STK11: variants seen among roughly 807,000 people sequenced by gnomAD.
STK11 encodes the protein serine/threonine-protein kinase STK11.
Under a neutral mutation model 47.3 loss-of-function variants are expected in STK11, and 8 were observed. The observed-to-expected ratio is 0.17, with a 90% confidence interval of 0.10 to 0.31. STK11 has a LOEUF of 0.31. STK11 is among the 10% of genes least tolerant of loss of function. The pLI, the probability that STK11 is intolerant of heterozygous loss-of-function variation, is 1.00. For missense variants in STK11, 475 were observed against 605.0 expected, an observed-to-expected ratio of 0.79 and a Z score of 2.25; for synonymous variants, 330 against 255.8, an observed-to-expected ratio of 1.29 and a Z score of -2.77.
intron 1 of STK11, among the ~76,000 whole-genome samples, chr19:1,211,310 A>G (rs1304729369): frequency 6.6e-6 from 1 of 152,210 alleles, no homozygotes; most frequent in African/African-American, 2.4e-5. Flanking sequence ...TTAAAATAAA[A>G]TCAGTGCCAT....
In STK11 at chr19:1,222,440, C is replaced by T. The variant is rs567251414; in HGVS notation, c.920+434C>T. Among the ~76,000 whole-genome samples, 12 of 152,206 alleles carry T rather than the reference C, an allele frequency of 7.9e-5. No homozygotes were observed. The South Asian group carries it at 1.7e-3, about 21-fold the overall frequency. ...AGGCCCCACAGTGCCGCCTCCCTCA[C>T]TTCGTGGGCTCTGCTCCTCTGCACC... On this transcript the variant is annotated intron_variant, in intron 7 of 9. Transcript: ENST00000326873.
rs878853982 is a variant in STK11, at chr19:1,223,179, C to G, written c.1108+7C>G. 1.9e-6 allele frequency: 3 copies of G among 1,607,434 alleles called. No homozygotes were observed. The highest frequency in any genetic ancestry group is 8.5e-7 in the Non-Finnish European group (1 of 1,178,082). ...CAGGACTTCACGGTGCCCGGTGAGT[C>G]TGGCGGGGGCCCCTGCCCGGCTCTG... On this transcript the variant is annotated splice_region_variant and intron_variant, in intron 8 of 9. Transcript: ENST00000326873.
chr19:1,218,522 C>T (rs1195804587), intron 2 of STK11, 22 bp downstream of exon 2: 2 of 1,607,088 alleles, frequency 1.2e-6, no homozygotes, highest in South Asian at 2.2e-5. Context: ...GGTGTTGGGA[C>T]CGCGGGGCCT....
chr19:1,209,546 C>T (rs1470620389), intron 1 of STK11, among the ~76,000 whole-genome samples: 4 of 151,942 alleles, frequency 2.6e-5, no homozygotes, highest in Non-Finnish European at 4.4e-5. Context: ...CGCACCATTG[C>T]GCTCCAGCCT....
chr19:1,211,907 G>C (rs1386660517), intron 1 of STK11, among the ~76,000 whole-genome samples: 2 of 152,202 alleles, frequency 1.3e-5, no homozygotes, highest in Non-Finnish European at 2.9e-5. Context: ...TACATCCCAG[G>C]CGGCCTTTAT....
chr19:1,223,958 A>G, intron 8 of STK11: 1 of 1,010,530 alleles, frequency 9.9e-7, no homozygotes, highest in Admixed American at 5.9e-5. Flanking sequence ...AGTGGTGGGC[A>G]GGGGCCGGCC....
chr19:1,225,840 C>T, intron 8 of STK11: 1 of 986,068 alleles, frequency 1.0e-6, no homozygotes, highest in East Asian at 1.1e-4. Flanking sequence ...TGCACTTTCC[C>T]CTGCCATTGT....
chr19:1,221,279 C>T lies in STK11; in HGVS notation c.801C>T (p.Ile267=), dbSNP rs539772540. The change falls in exon 6 of 10, where the codon ATC becomes ATT. Residue 267 remains isoleucine, a synonymous_variant. Coordinates refer to ENST00000326873, the MANE Select transcript of STK11 (RefSeq NM_000455.5). ...ACATCTACAAGTTGTTTGAGAACAT[C>T]GGGAAGGGGAGCTACGCCATCCCGG... is the stretch of plus-strand genomic sequence containing the variant. ...GDNIYKLFEN[I]GKGSYAIPGD... is the part of the protein sequence containing the mutation. 6.2e-6 allele frequency: 10 copies of T among 1,611,812 alleles called. No individual in the cohort carries two copies. The highest frequency in any genetic ancestry group is 2.7e-5 in the African/African-American group (2 of 75,054).
At position 1,227,789 on chromosome 19, in the gene STK11, A is replaced by G; in HGVS notation, c.*213A>G. 9.3e-7 allele frequency: 1 copy of G among 1,074,408 alleles called. No homozygotes were observed. Among genetic ancestry groups the G allele is most frequent in the Non-Finnish European group, 1.1e-6 (1 of 884,910 alleles). 66.6% of individuals were successfully genotyped at this position (1,074,408 alleles called of 1,614,324 possible). On this transcript the variant is annotated 3_prime_UTR_variant, in exon 10 of 10. Transcript: ENST00000326873. ...TCCCCCCTCGGCCGCCCGGCAGTGC[A>G]CGCGGCTTGTTGACTTCGCAGCCCC...
At position 1,206,808 on chromosome 19, in the gene STK11, CTT is replaced by C; in HGVS notation, c.-101_-100del. ...GGGGTTTTTGTTGCCTTTTTTTTTT[CTT>C]TTTTCTTTGTAAAATTTTGGAGAAG... On this transcript the variant is annotated 5_prime_UTR_variant, in exon 1 of 10. Coordinates refer to ENST00000326873, the MANE Select transcript of STK11 (RefSeq NM_000455.5). 1 of 1,263,690 alleles carries C rather than the reference CTT, an allele frequency of 7.9e-7. No homozygotes were observed. Among genetic ancestry groups the C allele is most frequent in the Non-Finnish European group, 1.0e-6 (1 of 961,216 alleles). 78.3% of individuals were successfully genotyped at this position (1,263,690 alleles called of 1,614,324 possible).
intron 9 of STK11, chr19:1,227,204 G>C (rs1360408049): frequency 6.2e-6 from 1 of 160,868 alleles, no homozygotes; most frequent in Non-Finnish European, 1.4e-5. Context: ...CCCAGCCCCG[G>C]GTGGGAGACG....
intron 6 of STK11, 31 bp downstream of exon 6, chr19:1,221,371 C>T (rs1320802996): frequency 4.4e-6 from 7 of 1,581,172 alleles, no homozygotes; most frequent in Non-Finnish European, 6.0e-6. Context: ...CCCGCAGCCC[C>T]AGGGAGGCGG....
rs2145404870 is a variant in STK11 at position 1,207,008 on chromosome 19, C to T, written c.95C>T (p.Thr32Ile). Residue 32 changes from threonine (T) to isoleucine (I), a missense_variant, in exon 1 of 10, where the codon ACC becomes ATC. Transcript: ENST00000326873. ...MDTFIHRIDS[T>I]EVIYQPRRKR... ...ACGTTCATCCACCGCATCGACTCCA[C>T]CGAGGTCATCTACCAGCCGCGCCGC... is the stretch of plus-strand genomic sequence containing the variant. 6.2e-7 allele frequency: 1 copy of T among 1,613,644 alleles called. No homozygotes were observed. The highest frequency in any genetic ancestry group is 1.1e-5 in the South Asian group (1 of 91,060).
chr19:1,224,907 C>G (rs576772272), intron 8 of STK11: 1 of 985,736 alleles, frequency 1.0e-6, no homozygotes, highest in Admixed American at 6.1e-5. Context: ...AGCGTGAGCC[C>G]CGTCCCTGAC....
At chr19:1,208,398 C>T (rs929501004) in intron 1 of STK11, among the ~76,000 whole-genome samples, 2 of 150,910 alleles carry the variant, frequency 1.3e-5, no homozygotes, top group Non-Finnish European at 2.9e-5. Flanking sequence ...AGCTCCGCCT[C>T]CCGGGTTCAT....
chr19:1,219,218 G>A, intron 2 of STK11, 106 bp from the exon 3 acceptor site: 1 of 1,346,642 alleles, frequency 7.4e-7, no homozygotes. Context: ...CCGAGGAGGG[G>A]CAAGGTGGGT....
rs1599926859 is a variant in STK11, at chr19:1,220,628, C to G, written c.645C>G (p.Gly215=). The part of the protein sequence containing the change: ...AADDTCRTSQ[G]SPAFQPPEIA... ...ACGACACCTGCCGGACCAGCCAGGG[C>G]TCCCCGGCTTTCCAGCCGCCCGAGA... Residue 215 remains glycine (G), a synonymous_variant, in exon 5 of 10, where the codon GGC becomes GGG. Transcript: ENST00000326873. The G allele has an allele frequency of 6.2e-7, 1 of 1,606,070 alleles. No homozygotes were observed. The highest frequency in any genetic ancestry group is 8.5e-7 in the Non-Finnish European group (1 of 1,176,982).
At chr19:1,220,067 G>T in intron 3 of STK11, 1 of 360,008 alleles carries the variant, frequency 2.8e-6, no homozygotes, top group Non-Finnish European at 5.1e-6. Context: ...CAGGACCACA[G>T]GGGCAGGGAG....
At position 1,228,223 on chromosome 19, in the gene STK11, C is replaced by T. The variant is rs1179599276; in HGVS notation, c.*647C>T. 2 of 803,150 alleles carry T rather than the reference C, an allele frequency of 2.5e-6. No homozygotes were observed. The highest frequency in any genetic ancestry group is 3.1e-6 in the Non-Finnish European group (2 of 640,318). The allele number at this position is 803,150 out of a possible 1,614,324, so 49.8% of individuals were successfully genotyped here. On this transcript the variant is annotated 3_prime_UTR_variant, in exon 10 of 10. Transcript: ENST00000326873. ...GGCGGCCCGGCCGGAGGGCAGGACC[C>T]TCACCTCTCCCCCAAGGCCACTGCG...
Sources: gnomAD v4.1 joint callset for allele counts (sites outside exome capture counted in the v4.1 genomes callset) on GRCh38, gnomAD v4.1.1 for gene constraint, MANE v1.5 for transcripts, NCBI Gene and HGNC (gene_info 2026-07-23, HGNC 2026-07-21) for gene names.